Variants in CTNNA2 observed in about 807,000 individuals in gnomAD.
CTNNA2 encodes catenin alpha 2, also known as catenin alpha-2.
CTNNA2 carries 42 observed loss-of-function variants against 101.0 expected under a neutral mutation model. That is an observed-to-expected ratio of 0.42 (90% confidence interval 0.32 to 0.54). The LOEUF (loss-of-function observed/expected upper bound fraction) is 0.54. Among genes scored for constraint, CTNNA2 ranks in the 20% least tolerant of loss-of-function variants. The pLI is 0.14. For missense variants in CTNNA2, 871 were observed against 1,223.1 expected, an observed-to-expected ratio of 0.71 and a Z score of 4.29; for synonymous variants, 450 against 456.4, an observed-to-expected ratio of 0.99 and a Z score of 0.18.
At chr2:80,588,913 C>A (rs1036594368) in intron 14 of CTNNA2, among the ~76,000 whole-genome samples, 3 of 152,010 alleles carry the variant, frequency 2.0e-5, no homozygotes, top group African/African-American at 7.2e-5. Context: ...TCTTTTTTTC[C>A]CTTCTCTGAA....
At chr2:79,325,562 G>GA in intron 3 of CTNNA2, among the ~76,000 whole-genome samples, 1 of 152,312 alleles carries the variant, frequency 6.6e-6, no homozygotes, top group Non-Finnish European at 1.5e-5. Flanking sequence ...AATCAATCAG[G>GA]AAAAATGTAT....
chr2:80,462,592 C>T (rs1684516949), intron 9 of CTNNA2, among the ~76,000 whole-genome samples: 1 of 141,490 alleles, frequency 7.1e-6, no homozygotes, highest in African/African-American at 2.6e-5. Context: ...TCTTATGTAT[C>T]TCATTTTTCT....
intron 3 of CTNNA2, among the ~76,000 whole-genome samples, chr2:79,348,324 C>T (rs1156594704): frequency 1.3e-5 from 2 of 152,106 alleles, no homozygotes; most frequent in Non-Finnish European, 2.9e-5. Context: ...ATTATCTGAT[C>T]AAAATTTCAG....
rs79941466 is a variant in CTNNA2 at position 80,190,692 on chromosome 2, A to G, written c.1057-202519A>G. 4.5e-3 allele frequency among the ~76,000 whole-genome samples: 687 copies of G among 152,260 alleles called. 4 individuals carry two copies. The highest frequency in any genetic ancestry group is 0.016 in the African/African-American group (649 of 41,550). On this transcript the variant is annotated intron_variant, in intron 7 of 18. Transcript: ENST00000402739. Reference sequence around the variant, plus strand: ...ATGTGGCCCCTTGGTTTGACTACTGAGGTCAGTTGCAAAAGGTAATATCCT... The same window carrying G: ...ATGTGGCCCCTTGGTTTGACTACTGGGGTCAGTTGCAAAAGGTAATATCCT...
intron 7 of CTNNA2, among the ~76,000 whole-genome samples, chr2:79,987,058 T>A (rs1691818435): frequency 6.6e-6 from 1 of 152,156 alleles, no homozygotes; most frequent in African/African-American, 2.4e-5. Flanking sequence ...CAGAGTGCTG[T>A]GTGGTGTTTG....
chr2:79,392,442 A>C (rs1678184590), intron 4 of CTNNA2, among the ~76,000 whole-genome samples: 1 of 152,176 alleles, frequency 6.6e-6, no homozygotes. Flanking sequence ...TCTGAAATCC[A>C]TGGTTACTAT....
At chr2:79,336,238 C>G (rs1438413050) in intron 3 of CTNNA2, among the ~76,000 whole-genome samples, 1 of 152,092 alleles carries the variant, frequency 6.6e-6, no homozygotes, top group African/African-American at 2.4e-5. Context: ...GGGATTCTTC[C>G]AAAATCATGT....
rs141270802 is a variant in CTNNA2 at position 79,385,727 on chromosome 2, C to A, written c.-135+11714C>A. On this transcript the variant is annotated intron_variant, in intron 4 of 21. Coordinates refer to the CTNNA2 transcript ENST00000466387. ...GGCCCGGGTGTGTGATGTTCCCCTT[C>A]CCGTGTCCATGTGTTCTCACTGTTC... Among the ~76,000 whole-genome samples, 1,497 of 152,116 alleles carry A rather than the reference C, an allele frequency of 9.8e-3. 20 individuals carry two copies. Among genetic ancestry groups the A allele is most frequent in the African/African-American group, 0.034 (1,407 of 41,478 alleles).
chr2:80,374,079 A>T, intron 7 of CTNNA2, among the ~76,000 whole-genome samples: 1 of 152,004 alleles, frequency 6.6e-6, no homozygotes, highest in Middle Eastern at 3.2e-3. Context: ...AAAGATTTCA[A>T]CTCTTATTTT....
At chr2:79,517,186 A>T (rs1057206007) in intron 1 of CTNNA2, among the ~76,000 whole-genome samples, 1 of 152,212 alleles carries the variant, frequency 6.6e-6, no homozygotes, top group Non-Finnish European at 1.5e-5. Flanking sequence ...GTTGAGGTTC[A>T]TAAACTATTT....
intron 2 of CTNNA2, among the ~76,000 whole-genome samples, chr2:79,670,138 T>C (rs1449086854): frequency 6.6e-6 from 1 of 152,164 alleles, no homozygotes; most frequent in Admixed American, 6.5e-5. Context: ...CAGCCACAGC[T>C]GCACCCGGGA....
chr2:79,853,355 C>G (rs1416901833), intron 3 of CTNNA2, among the ~76,000 whole-genome samples: 1 of 152,072 alleles, frequency 6.6e-6, no homozygotes, highest in Non-Finnish European at 1.5e-5. Flanking sequence ...GTTGACCAGG[C>G]TGGATGAAAA....
chr2:80,496,552 C>G (rs1180103447), intron 9 of CTNNA2, among the ~76,000 whole-genome samples: 2 of 151,834 alleles, frequency 1.3e-5, no homozygotes, highest in Non-Finnish European at 2.9e-5. Context: ...TGACTTAGGA[C>G]AGTTTTTTTT....
chr2:79,640,839 G>A (rs1004454837), intron 1 of CTNNA2, among the ~76,000 whole-genome samples: 1 of 152,130 alleles, frequency 6.6e-6, no homozygotes, highest in Non-Finnish European at 1.5e-5. Flanking sequence ...ATGTCTTAAT[G>A]AGTTTATAAC....
rs1679052412 is a variant in CTNNA2, at chr2:79,622,421, TAAAG to T, written c.-5-29125_-5-29122del. Among the ~76,000 whole-genome samples, 3 of 152,322 alleles carry T rather than the reference TAAAG, an allele frequency of 2.0e-5. No homozygotes were observed. The South Asian group carries it at 6.2e-4, about 32-fold the overall frequency. ...TTCTTGGAATAAAGTAGCAGTGCTT[TAAAG>T]AAAGAGGAAGAATTTATGTAATGAT... On this transcript the variant is annotated intron_variant, in intron 1 of 18. Transcript: ENST00000402739.
At chr2:80,309,326 A>C (rs1391622818) in intron 7 of CTNNA2, among the ~76,000 whole-genome samples, 1 of 152,144 alleles carries the variant, frequency 6.6e-6, no homozygotes, top group Admixed American at 6.5e-5. Flanking sequence ...ATGATTTCTT[A>C]ACTGACTCCG....
At chr2:79,623,996 C>T (rs1021405792) in intron 1 of CTNNA2, among the ~76,000 whole-genome samples, 5 of 152,120 alleles carry the variant, frequency 3.3e-5, no homozygotes, top group African/African-American at 1.2e-4. Context: ...CTCTCTCTCT[C>T]TCCCCCGTAC....
intron 2 of CTNNA2, among the ~76,000 whole-genome samples, chr2:79,659,540 CTGTTTGA>C (rs1681866469): frequency 6.6e-6 from 1 of 152,272 alleles, no homozygotes; most frequent in African/African-American, 2.4e-5. Context: ...TCCATTAAGA[CTGTTTGA>C]TGTTTGATCT....
rs537856835 is a variant in CTNNA2, at chr2:80,609,906, T to C, written c.2430+1588T>C. Among the ~76,000 whole-genome samples, 63 of 151,894 alleles carry C rather than the reference T, an allele frequency of 4.1e-4. 1 individual carries two copies. Among genetic ancestry groups the C allele is most frequent in the Middle Eastern group, 3.4e-3 (1 of 294 alleles). On this transcript the variant is annotated intron_variant, in intron 17 of 18. Transcript: ENST00000402739. ...TGCCTCCAAAGCTTCATTTCCATTG[T>C]CTTTTTCTCATTTAGATGTAGTCCA...
Sources: gnomAD v4.1 joint callset for allele counts (sites outside exome capture counted in the v4.1 genomes callset) on GRCh38, gnomAD v4.1.1 for gene constraint, MANE v1.5 for transcripts, NCBI Gene and HGNC (gene_info 2026-07-23, HGNC 2026-07-21) for gene names.